HM13: variants seen among roughly 807,000 people sequenced by gnomAD.
HM13 encodes signal peptide peptidase.
Under a neutral mutation model 50.0 loss-of-function variants are expected in HM13, and 18 were observed. That is an observed-to-expected ratio of 0.36 (90% confidence interval 0.25 to 0.53). The LOEUF is 0.53. Among genes scored for constraint, HM13 ranks in the 20% least tolerant of loss-of-function variants. HM13 has a pLI of 0.90. For synonymous variants in HM13, 197 were observed against 232.6 expected (o/e 0.85, Z 1.39); for missense variants, 393 against 552.4 (o/e 0.71, Z 2.89).
chr20:31,541,317 CAA>C (rs1478671898), intron 3 of HM13: 1 of 151,824 alleles, frequency 6.6e-6, no homozygotes, highest in Admixed American at 6.6e-5. Context: ...CCTGTCTCCA[CAA>C]AAAATACAAA....
intron 1 of HM13, among the ~76,000 whole-genome samples, chr20:31,515,075 G>C (rs1288730901): frequency 2.0e-5 from 3 of 152,210 alleles, no homozygotes; most frequent in African/African-American, 7.2e-5. Context: ...TTCTGAGCCT[G>C]TTGGGCCCAG....
chr20:31,548,154 T>C (rs1004995884), intron 4 of HM13: 2 of 807,580 alleles, frequency 2.5e-6, no homozygotes, highest in Non-Finnish European at 4.2e-6. Context: ...TCTGTGGTTA[T>C]GCTAAATAAG....
intron 2 of HM13, among the ~76,000 whole-genome samples, chr20:31,534,945 G>A (rs1983026982): frequency 6.6e-6 from 1 of 152,132 alleles, no homozygotes; most frequent in Non-Finnish European, 1.5e-5. Context: ...AATTAGCCGG[G>A]CGTGGTGGCA....
chr20:31,523,409 C>G (rs979083752), intron 1 of HM13, among the ~76,000 whole-genome samples: 23 of 151,992 alleles, frequency 1.5e-4, no homozygotes, highest in African/African-American at 5.6e-4. Flanking sequence ...ATTACAGATG[C>G]ACACCAGCAC....
rs1285005480 is a variant in HM13, at chr20:31,569,538, T to G, written c.*319T>G. 4.7e-6 allele frequency: 1 copy of G among 213,940 alleles called. No homozygotes were observed. Among genetic ancestry groups the G allele is most frequent in the Non-Finnish European group, 9.4e-6 (1 of 105,826 alleles). 13.3% of individuals were successfully genotyped at this position (213,940 alleles called of 1,614,324 possible). On this transcript the variant is annotated 3_prime_UTR_variant, in exon 13 of 13. Transcript: ENST00000398174. Reference sequence around the variant, plus strand: ...TGCCTCACATTAAAAACTCATCCCATGGCCAGGGCGGGCCACTGTGCTCCT... The same window carrying G: ...TGCCTCACATTAAAAACTCATCCCAGGGCCAGGGCGGGCCACTGTGCTCCT...
intron 1 of HM13, among the ~76,000 whole-genome samples, chr20:31,518,786 A>C (rs1267108383): frequency 6.6e-6 from 1 of 152,206 alleles, no homozygotes; most frequent in Admixed American, 6.6e-5. Context: ...TGAGCCCAGG[A>C]GTTCAAGGCT....
intron 6 of HM13, among the ~76,000 whole-genome samples, 175 bp from the exon 7 acceptor site, chr20:31,549,889 T>G (rs1372505876): frequency 6.6e-6 from 1 of 152,176 alleles, no homozygotes; most frequent in African/African-American, 2.4e-5. Context: ...ATTTCCCCTT[T>G]GTTGCCCAGA....
At chr20:31,530,535 C>T (rs1392395501) in intron 2 of HM13, among the ~76,000 whole-genome samples, 1 of 151,940 alleles carries the variant, frequency 6.6e-6, no homozygotes, top group Admixed American at 6.6e-5. Context: ...CTCAGCCTCC[C>T]GAGTTGCTGG....
chr20:31,561,815 C>G, intron 10 of HM13, 79 bp downstream of exon 10: 3 of 1,009,228 alleles, frequency 3.0e-6, no homozygotes, highest in Non-Finnish European at 4.7e-6. Flanking sequence ...TTTGTAAATG[C>G]AAGCAGTCCA....
At chr20:31,548,003 T>C (rs1568792285) in intron 4 of HM13, 2 of 1,591,504 alleles carry the variant, frequency 1.3e-6, no homozygotes, top group Non-Finnish European at 1.7e-6. Flanking sequence ...ATTGAAAATA[T>C]CCATTATTTA....
chr20:31,529,614 A>G (rs1333992099), intron 2 of HM13, among the ~76,000 whole-genome samples: 1 of 151,956 alleles, frequency 6.6e-6, no homozygotes, highest in African/African-American at 2.4e-5. Flanking sequence ...GGATGTCTTT[A>G]ATTTACATCT....
intron 3 of HM13, chr20:31,538,741 T>C: frequency 1.4e-6 from 1 of 728,172 alleles, no homozygotes; most frequent in Non-Finnish European, 1.7e-6. Flanking sequence ...AATAGCTCTG[T>C]GATCTTGGGC....
At chr20:31,547,352 G>A (rs1983781353) in intron 4 of HM13, 1 of 341,788 alleles carries the variant, frequency 2.9e-6, no homozygotes, top group South Asian at 3.7e-5. Context: ...GGGCCGTAAA[G>A]CGCGCTGGCT....
intron 6 of HM13, among the ~76,000 whole-genome samples, chr20:31,549,557 AC>A (rs1159772771): frequency 6.6e-6 from 1 of 152,082 alleles, no homozygotes; most frequent in African/African-American, 2.4e-5. Flanking sequence ...CCTTCCGACC[AC>A]CTGCCTCTCT....
intron 4 of HM13, chr20:31,548,110 TTGTGTC>T: frequency 1.8e-6 from 2 of 1,115,620 alleles, no homozygotes; most frequent in Non-Finnish European, 2.7e-6. Context: ...GTATGTGTGT[TTGTGTC>T]TGTGTGTGAC....
At chr20:31,567,132 C>G (rs1984968842) in intron 11 of HM13, among the ~76,000 whole-genome samples, 1 of 152,116 alleles carries the variant, frequency 6.6e-6, no homozygotes, top group South Asian at 2.1e-4. Context: ...AATCCCCAGC[C>G]CCCCGCCTGC....
At chr20:31,566,370 G>A (rs148769598) in intron 11 of HM13, 75 bp downstream of exon 11, 2 of 1,194,484 alleles carry the variant, frequency 1.7e-6, no homozygotes, top group Non-Finnish European at 1.2e-6. Flanking sequence ...CCTGCTGGGG[G>A]TATCTTTACA....
chr20:31,564,532 A>G (rs1046593945), intron 10 of HM13, among the ~76,000 whole-genome samples: 1 of 152,024 alleles, frequency 6.6e-6, no homozygotes, highest in Non-Finnish European at 1.5e-5. Context: ...AGCCATGTTC[A>G]TATCACTGCA....
At chr20:31,564,461 C>T (rs943338336) in intron 10 of HM13, among the ~76,000 whole-genome samples, 1 of 152,024 alleles carries the variant, frequency 6.6e-6, no homozygotes, top group African/African-American at 2.4e-5. Context: ...CCTGTAGGCC[C>T]AGCAACTTGT....
Sources: gnomAD v4.1 joint callset for allele counts (sites outside exome capture counted in the v4.1 genomes callset) on GRCh38, gnomAD v4.1.1 for gene constraint, MANE v1.5 for transcripts, NCBI Gene and HGNC (gene_info 2026-07-23, HGNC 2026-07-21) for gene names.